The following SMARCC1 variants were observed in gnomAD, a reference collection of about 807,000 sequenced individuals.
SMARCC1 encodes SWI/SNF complex subunit SMARCC1.
In SMARCC1, 43 loss-of-function variants were observed where a neutral mutation model predicts 147.4. The ratio of observed to expected loss-of-function variants is 0.29; its 90% CI spans 0.23 to 0.38. The LOEUF is 0.38. Among genes scored for constraint, SMARCC1 ranks in the 10% least tolerant of loss-of-function variants. SMARCC1 has a pLI of 1.00. For synonymous variants in SMARCC1, 495 were observed against 484.4 expected, an observed-to-expected ratio of 1.02 and a Z score of -0.29; for missense variants, 1,119 against 1,381.1, an observed-to-expected ratio of 0.81 and a Z score of 3.01.
At chr3:47,746,052 T>G (rs990198403) in intron 2 of SMARCC1, 59 bp from the exon 3 acceptor site, 2 of 1,069,110 alleles carry the variant, frequency 1.9e-6, no homozygotes, top group Non-Finnish European at 2.7e-6. Flanking sequence ...ATTACTCATG[T>G]CTTAATTCTA....
At chr3:47,667,748 G>A (rs968857299) in intron 19 of SMARCC1, among the ~76,000 whole-genome samples, 11 of 152,132 alleles carry the variant, frequency 7.2e-5, no homozygotes, top group Admixed American at 3.9e-4. Flanking sequence ...ATGGTGGCGC[G>A]TGCCTGTAGT....
At chr3:47,630,443 T>G (rs2106695380) in intron 24 of SMARCC1, among the ~76,000 whole-genome samples, 1 of 152,232 alleles carries the variant, frequency 6.6e-6, no homozygotes, top group African/African-American at 2.4e-5. Flanking sequence ...CCCTGATATA[T>G]GGAACATAGG....
At chr3:47,667,032 C>T (rs977163950) in intron 19 of SMARCC1, among the ~76,000 whole-genome samples, 6 of 152,054 alleles carry the variant, frequency 3.9e-5, no homozygotes, top group African/African-American at 1.4e-4. Flanking sequence ...ATGAGAGAAA[C>T]TCGGGCCAGG....
chr3:47,611,894 A>G (rs2032570722), intron 25 of SMARCC1, among the ~76,000 whole-genome samples: 1 of 152,240 alleles, frequency 6.6e-6, no homozygotes, highest in Non-Finnish European at 1.5e-5. Flanking sequence ...AGTAAACGGT[A>G]TAGCTTATGT....
chr3:47,687,642 A>G (rs1348601333), intron 13 of SMARCC1, among the ~76,000 whole-genome samples: 1 of 152,100 alleles, frequency 6.6e-6, no homozygotes, highest in East Asian at 1.9e-4. Context: ...TAATCTTTTA[A>G]GTTTTTGTTG....
intron 26 of SMARCC1, among the ~76,000 whole-genome samples, chr3:47,601,342 T>TCTC (rs2032382794): frequency 6.6e-6 from 1 of 152,146 alleles, no homozygotes; most frequent in African/African-American, 2.4e-5. Flanking sequence ...AGAAAGTGAA[T>TCTC]CTAGGAAAGG....
chr3:47,617,503 CA>C (rs1463648504), intron 25 of SMARCC1, among the ~76,000 whole-genome samples: 1 of 152,192 alleles, frequency 6.6e-6, no homozygotes, highest in Non-Finnish European at 1.5e-5. Context: ...TACTGGTTTG[CA>C]TAACGGGAGG....
Position 47,585,787 on chromosome 3 carries a change from G to A in SMARCC1, c.*2422C>T, listed in dbSNP as rs1222495285. The A allele has an allele frequency of 6.6e-6, 1 of 152,262 alleles. No individual in the cohort carries two copies. 9.4% of individuals were successfully genotyped at this position (152,262 alleles called of 1,614,324 possible). A position where few individuals can be genotyped will look rare whatever the true frequency, so the allele number is the denominator to read the frequency against. ...AGTCGGGAAGGAAGCCCGAGTCACA[G>A]AATTTTAACTGCTGATCAAACCAAG... On this transcript the variant is annotated 3_prime_UTR_variant, in exon 28 of 28. Coordinates refer to ENST00000254480, the MANE Select transcript of SMARCC1 (RefSeq NM_003074.4).
chr3:47,692,988 C>T (rs534607464), intron 12 of SMARCC1, among the ~76,000 whole-genome samples: 1 of 151,132 alleles, frequency 6.6e-6, no homozygotes, highest in African/African-American at 2.4e-5. Context: ...AGTGAGATTC[C>T]GTCTTAAAAA....
rs528147412 is a variant in SMARCC1 at position 47,676,916 on chromosome 3, C to T, written c.1572-134G>A. On this transcript the variant is annotated intron_variant, in intron 16 of 27. Coordinates refer to ENST00000254480, the MANE Select transcript of SMARCC1 (RefSeq NM_003074.4). ...TCAGCAGGCTGTCAAACATCACAAA[C>T]TACTTGACAGATTTTGTTATGTGAC... is the stretch of plus-strand genomic sequence containing the variant. 23 of 708,872 alleles carry T rather than the reference C, an allele frequency of 3.2e-5. No individual in the cohort carries two copies. The African/African-American group carries it at 4.1e-4, about 13-fold the overall frequency. 43.9% of individuals were successfully genotyped at this position (708,872 alleles called of 1,614,324 possible).
At chr3:47,744,274 T>TTA (rs1189774288) in intron 3 of SMARCC1, among the ~76,000 whole-genome samples, 1 of 152,164 alleles carries the variant, frequency 6.6e-6, no homozygotes, top group African/African-American at 2.4e-5. Flanking sequence ...CCTGAGTACC[T>TTA]GGGATTACAA....
At chr3:47,724,233 AAT>A (rs1331675821) in intron 6 of SMARCC1, among the ~76,000 whole-genome samples, 1 of 152,252 alleles carries the variant, frequency 6.6e-6, no homozygotes, top group Admixed American at 6.5e-5. Context: ...CAGTATTCAC[AAT>A]AGTCAAAATG....
chr3:47,682,903 G>C (rs2033672634), intron 14 of SMARCC1, among the ~76,000 whole-genome samples: 1 of 152,158 alleles, frequency 6.6e-6, no homozygotes, highest in Admixed American at 6.5e-5. Flanking sequence ...AAGATAACAA[G>C]ACTGAGACAC....
intron 11 of SMARCC1, among the ~76,000 whole-genome samples, chr3:47,696,721 C>T (rs918837896): frequency 2.0e-5 from 3 of 152,038 alleles, no homozygotes; most frequent in Admixed American, 1.3e-4. Context: ...CAGGGTTTCT[C>T]CATGTTGTCC....
chr3:47,756,047 A>AT (rs2034694113), intron 2 of SMARCC1, among the ~76,000 whole-genome samples: 1 of 150,372 alleles, frequency 6.7e-6, no homozygotes, highest in African/African-American at 2.4e-5. Flanking sequence ...GGGCGCCTAT[A>AT]ATCCCAGCTA....
chr3:47,743,266 G>A (rs1170665437), intron 3 of SMARCC1, among the ~76,000 whole-genome samples: 10 of 152,198 alleles, frequency 6.6e-5, no homozygotes, highest in Admixed American at 6.5e-4. Context: ...CAAGAGATGA[G>A]AGAAGGTGCA....
Position 47,769,700 on chromosome 3 carries a change from G to A in SMARCC1, c.315+3117C>T, listed in dbSNP as rs549725988. Among the ~76,000 whole-genome samples, 352 of 152,258 alleles carry A rather than the reference G, an allele frequency of 2.3e-3. 1 individual carries two copies. Among genetic ancestry groups the A allele is most frequent in the Non-Finnish European group, 4.2e-3 (287 of 68,028 alleles). On this transcript the variant is annotated intron_variant, in intron 2 of 27. Transcript: ENST00000254480. ...CTCTACTCACACAGCTCATTAGACT[G>A]TGAGTCCCCTGAGGACAAATAATAT...
chr3:47,665,743 A>G (rs185194026), intron 19 of SMARCC1, among the ~76,000 whole-genome samples: 2 of 152,166 alleles, frequency 1.3e-5, no homozygotes, highest in South Asian at 4.2e-4. Flanking sequence ...TGATTCAATG[A>G]AAGTTTTTAG....
intron 5 of SMARCC1, among the ~76,000 whole-genome samples, chr3:47,731,671 C>T (rs2034375937): frequency 6.6e-6 from 1 of 152,166 alleles, no homozygotes; most frequent in Admixed American, 6.6e-5. Flanking sequence ...CATTAATTTC[C>T]TTGTACATCT....
Sources: gnomAD v4.1 joint callset for allele counts (sites outside exome capture counted in the v4.1 genomes callset) on GRCh38, gnomAD v4.1.1 for gene constraint, MANE v1.5 for transcripts, NCBI Gene and HGNC (gene_info 2026-07-23, HGNC 2026-07-21) for gene names.